The following DNAI7 variants were observed in gnomAD, a reference collection of about 807,000 sequenced individuals.
The protein encoded by DNAI7 is cancer susceptibility 1.
Under a neutral mutation model 86.6 loss-of-function variants are expected in DNAI7, and 78 were observed. That is an observed-to-expected ratio of 0.90 (90% confidence interval 0.75 to 1.09). DNAI7 has a LOEUF of 1.09. DNAI7 is among the 50% of genes least tolerant of loss of function. DNAI7 has a pLI of 0.00. For missense variants in DNAI7, 753 were observed against 810.2 expected, an observed-to-expected ratio of 0.93 and a Z score of 0.86; for synonymous variants, 274 against 273.0, an observed-to-expected ratio of 1.00 and a Z score of -0.04.
chr12:25,166,359 C>A (rs906605837), intron 2 of DNAI7, among the ~76,000 whole-genome samples: 18 of 152,134 alleles, frequency 1.2e-4, no homozygotes, highest in Non-Finnish European at 1.9e-4. Context: ...ATCCTCAATA[C>A]CTCCCTCCAC....
intron 2 of DNAI7, among the ~76,000 whole-genome samples, chr12:25,181,245 G>C (rs1392237361): frequency 1.3e-5 from 2 of 152,134 alleles, no homozygotes; most frequent in African/African-American, 4.8e-5. Context: ...GGAGTAGCTA[G>C]AATTACAGAT....
intron 2 of DNAI7, among the ~76,000 whole-genome samples, chr12:25,180,186 C>T (rs1949367669): frequency 6.6e-6 from 1 of 152,136 alleles, no homozygotes; most frequent in Admixed American, 6.6e-5. Context: ...CCATTTACAA[C>T]AGTCATGCAC....
At chr12:25,114,972 T>C in intron 12 of DNAI7, 102 bp from the exon 13 acceptor site, 1 of 842,454 alleles carries the variant, frequency 1.2e-6, no homozygotes, top group Non-Finnish European at 1.8e-6. Flanking sequence ...AAATTGATCT[T>C]TCATATTTAG....
In DNAI7 at chr12:25,108,570, G is replaced by A. The variant is rs765666060; in HGVS notation, c.2147C>T (p.Thr716Ile). The change falls in exon 16 of 16, where the codon ACC (threonine) becomes ATC (isoleucine). Residue 716 changes from threonine (T) to isoleucine (I), a missense_variant. Transcript: ENST00000395987. ...VNSVCHMLLS[T>I]RLLSYS ...AGGTTAGGAGTAGCTGAGCAATCTG[G>A]TAGAGAGCAGCATGTGGCACACAGA... 2 of 1,613,478 alleles carry A rather than the reference G, an allele frequency of 1.2e-6. No homozygotes were observed. Among genetic ancestry groups the A allele is most frequent in the Admixed American group, 1.7e-5 (1 of 59,990 alleles).
intron 2 of DNAI7, among the ~76,000 whole-genome samples, chr12:25,174,377 T>TATATGATATATATATGATATATATATCC (rs368509269): frequency 9.6e-4 from 1 of 1,046 alleles, no homozygotes; most frequent in Non-Finnish European, 2.4e-3. Context: ...ATATGTTATA[T>TATATGATATATATATGATATATATATCC]CATATATATG....
chr12:25,166,614 G>A (rs1947501211), intron 2 of DNAI7, among the ~76,000 whole-genome samples: 1 of 152,064 alleles, frequency 6.6e-6, no homozygotes. Flanking sequence ...TCTCCCTGCT[G>A]ATCGTGTCCG....
intron 2 of DNAI7, among the ~76,000 whole-genome samples, chr12:25,174,398 T>TATCCC (rs1409579453): frequency 0.065 from 39 of 596 alleles, no homozygotes; most frequent in Non-Finnish European, 0.11. Context: ...GGATATATCA[T>TATCCC]ATATATGGGA....
At chr12:25,120,702 G>T (rs1941149501) in intron 11 of DNAI7, among the ~76,000 whole-genome samples, 1 of 152,128 alleles carries the variant, frequency 6.6e-6, no homozygotes, top group South Asian at 2.1e-4. Context: ...TCCAGCCTGG[G>T]CGAAAGAGCG....
At position 25,138,651 on chromosome 12, in the gene DNAI7, A is replaced by G. The variant is rs1289967111; in HGVS notation, c.1002+5714T>C. Among the ~76,000 whole-genome samples, 6 of 152,184 alleles carry G rather than the reference A, an allele frequency of 3.9e-5. No homozygotes were observed. In the East Asian group the frequency reaches 1.2e-3, roughly 29 times the overall value. On this transcript the variant is annotated intron_variant, in intron 9 of 15. Coordinates refer to ENST00000395987, the MANE Select transcript of DNAI7 (RefSeq NM_018272.5). ...AAGATGGAAATTTAAAAATTCTTTG[A>G]ACTGAACAATAATAGTGACAAAACC...
chr12:25,121,925 C>T lies in DNAI7; in HGVS notation c.1079-12G>A, dbSNP rs200504629. 109 of 1,538,506 alleles carry T rather than the reference C, an allele frequency of 7.1e-5. No homozygotes were observed. The Admixed American group carries it at 1.5e-3, about 21-fold the overall frequency. On this transcript the variant is annotated splice_polypyrimidine_tract_variant and intron_variant, in intron 10 of 15. Transcript: ENST00000395987. Reference sequence around the variant, plus strand: ...CAGCAACAACTGTGCTAAAATTAATCAGATTAACAGTTTTCAAATAGATTA... The same window carrying T: ...CAGCAACAACTGTGCTAAAATTAATTAGATTAACAGTTTTCAAATAGATTA...
At chr12:25,133,392 A>T (rs1384677460) in intron 9 of DNAI7, among the ~76,000 whole-genome samples, 2 of 152,238 alleles carry the variant, frequency 1.3e-5, no homozygotes, top group South Asian at 4.1e-4. Context: ...TGTCTTTATA[A>T]ATCTAGTGAT....
chr12:25,120,720 G>A (rs987533144), intron 11 of DNAI7, among the ~76,000 whole-genome samples: 3 of 151,942 alleles, frequency 2.0e-5, no homozygotes, highest in Non-Finnish European at 2.9e-5. Context: ...GCGAGACTCC[G>A]TCTCAAAAAA....
At chr12:25,134,661 T>A (rs1237035610) in intron 9 of DNAI7, among the ~76,000 whole-genome samples, 3 of 152,142 alleles carry the variant, frequency 2.0e-5, no homozygotes, top group Non-Finnish European at 4.4e-5. Flanking sequence ...CTGGCCTCCT[T>A]GGTGTACTTT....
chr12:25,176,786 A>T (rs184869182), intron 2 of DNAI7, among the ~76,000 whole-genome samples: 3 of 151,970 alleles, frequency 2.0e-5, no homozygotes, highest in Admixed American at 1.3e-4. Flanking sequence ...TATATGAAAA[A>T]TATAGATTTT....
At chr12:25,120,256 C>T (rs7973365) in intron 11 of DNAI7, among the ~76,000 whole-genome samples, 25,540 of 144,870 alleles carry the variant, frequency 0.18, 2,294 homozygotes, top group Middle Eastern at 0.25. Context: ...AAGTACCCAG[C>T]AATCTGTGTA....
chr12:25,133,383 G>T, intron 9 of DNAI7, among the ~76,000 whole-genome samples: 1 of 152,092 alleles, frequency 6.6e-6, no homozygotes, highest in Non-Finnish European at 1.5e-5. Flanking sequence ...GCTGCTGATT[G>T]TCTTTATAAA....
intron 12 of DNAI7, among the ~76,000 whole-genome samples, chr12:25,117,068 G>A (rs1350109704): frequency 6.6e-6 from 1 of 151,718 alleles, no homozygotes; most frequent in African/African-American, 2.4e-5. Context: ...GGGGTAGCTG[G>A]GACTACAGGC....
In DNAI7 at chr12:25,120,317, G is replaced by GGAGACAGAGAGA. The variant is rs1941027570; in HGVS notation, c.1240-1017_1240-1016insTCTCTCTGTCTC. On this transcript the variant is annotated intron_variant, in intron 11 of 15. Coordinates refer to ENST00000395987, the MANE Select transcript of DNAI7 (RefSeq NM_018272.5). ...AGAAGAGAGAGAGAGGCAGGAAGAGGGAGAGAGAGAGAGAGAGAGAGAGAG... is the reference window on the plus strand; with the variant it reads ...AGAAGAGAGAGAGAGGCAGGAAGAGGGAGACAGAGAGAGAGAGAGAGAGAGAGAGAGAGAGAG... Among the ~76,000 whole-genome samples, 3 of 80,812 alleles carry GGAGACAGAGAGA rather than the reference G, an allele frequency of 3.7e-5. No individual in the cohort carries two copies. The Admixed American group carries it at 4.8e-4, about 13-fold the overall frequency. The allele number at this position is 80,812 out of a possible 152,430, so 53.0% of individuals were successfully genotyped here.
chr12:25,111,290 C>T (rs2140336712), intron 14 of DNAI7, among the ~76,000 whole-genome samples: 1 of 152,266 alleles, frequency 6.6e-6, no homozygotes, highest in East Asian at 1.9e-4. Flanking sequence ...CACAGTTTAA[C>T]CTGGAAGGAT....
Sources: gnomAD v4.1 joint callset for allele counts (sites outside exome capture counted in the v4.1 genomes callset) on GRCh38, gnomAD v4.1.1 for gene constraint, MANE v1.5 for transcripts, NCBI Gene and HGNC (gene_info 2026-07-23, HGNC 2026-07-21) for gene names.